RSF1: variants seen among roughly 807,000 people sequenced by gnomAD.
The protein encoded by RSF1 is HBV pX-associated protein 8.
In RSF1, 13 loss-of-function variants were observed where a neutral mutation model predicts 145.2. The ratio of observed to expected loss-of-function variants is 0.09; its 90% confidence interval spans 0.06 to 0.14. RSF1 has a LOEUF of 0.14. RSF1 is among the 10% of genes least tolerant of loss of function. RSF1 has a pLI of 1.00. For missense variants in RSF1, 1,517 were observed against 1,718.2 expected, an observed-to-expected ratio of 0.88 and a Z score of 2.07; for synonymous variants, 577 against 592.6, an observed-to-expected ratio of 0.97 and a Z score of 0.38.
intron 1 of RSF1, among the ~76,000 whole-genome samples, chr11:77,800,956 A>T (rs1298622145): frequency 6.6e-6 from 1 of 152,128 alleles, no homozygotes; most frequent in Non-Finnish European, 1.5e-5. Context: ...AGTGAGCCAT[A>T]ATCGCACTAT....
chr11:77,708,738 T>C (rs936319197), intron 5 of RSF1, among the ~76,000 whole-genome samples: 3 of 152,214 alleles, frequency 2.0e-5, no homozygotes, highest in African/African-American at 4.8e-5. Context: ...CCCTGCACAA[T>C]TGGCATGTCT....
At chr11:77,831,974 GT>G in the RSF1 span, 1 of 148,942 alleles carries the variant, frequency 6.7e-6, no homozygotes, top group Non-Finnish European at 1.5e-5. Context: ...CCTCTCAGAA[GT>G]GCTGGGATTA....
chr11:77,815,744 T>C (rs1024547164), intron 1 of RSF1, among the ~76,000 whole-genome samples: 1 of 142,586 alleles, frequency 7.0e-6, no homozygotes, highest in Non-Finnish European at 1.6e-5. Flanking sequence ...TTTAATGTTT[T>C]TTTAAAAAAA....
At chr11:77,823,577 T>C (rs1339359371), upstream of RSF1, among the ~76,000 whole-genome samples, 1 of 139,170 alleles carries the variant, frequency 7.2e-6, no homozygotes, top group East Asian at 2.1e-4. Context: ...TCCCATGTAG[T>C]TGCCACTGCA....
At chr11:77,671,106 C>T (rs868244396) in intron 15 of RSF1, among the ~76,000 whole-genome samples, 1 of 5,526 alleles carries the variant, frequency 1.8e-4, no homozygotes, top group Non-Finnish European at 2.6e-4. Flanking sequence ...ACTCTGTCAC[C>T]AAAAAAAAAA....
chr11:77,853,570 G>A, the RSF1 span, among the ~76,000 whole-genome samples: 403 of 152,262 alleles, frequency 2.6e-3, 5 homozygotes, highest in Non-Finnish European at 5.7e-4. Context: ...TTCGATATGA[G>A]ATTTGGTCAG....
chr11:77,692,522 G>C (rs1317576149), intron 8 of RSF1, among the ~76,000 whole-genome samples: 1 of 102,814 alleles, frequency 9.7e-6, no homozygotes, highest in East Asian at 2.9e-4. Flanking sequence ...GGGATTACAG[G>C]CGTGAGCCAC....
At chr11:77,796,158 T>C (rs1006456273) in intron 1 of RSF1, among the ~76,000 whole-genome samples, 6 of 152,140 alleles carry the variant, frequency 3.9e-5, no homozygotes, top group Admixed American at 6.6e-5. Context: ...TAACGCATTT[T>C]ATGAGGCCAG....
chr11:77,698,465 T>C, intron 7 of RSF1, 22 bp downstream of exon 7: 1 of 1,606,182 alleles, frequency 6.2e-7, no homozygotes, highest in South Asian at 1.1e-5. Context: ...ATGAGTATTC[T>C]TCATTTACAT....
rs1346054435 is a variant in RSF1, at chr11:77,700,919, A to G, written c.2310T>C (p.Asn770=). ...GAGATCTTCTTAAAGTACGACCCACATTTGTTTTCTCCTCTTCCTTTTCTG... is the reference window on the plus strand; with the variant it reads ...GAGATCTTCTTAAAGTACGACCCACGTTTGTTTTCTCCTCTTCCTTTTCTG... ...EKTEKEEEKT[N]VGRTLRRSPR... is the part of the protein sequence containing the mutation. Residue 770 remains asparagine, a synonymous_variant, in exon 6 of 16, where the codon AAT becomes AAC. Coordinates refer to ENST00000308488, the MANE Select transcript of RSF1 (RefSeq NM_016578.4). 1.2e-6 allele frequency: 2 copies of G among 1,613,558 alleles called. No homozygotes were observed. The highest frequency in any genetic ancestry group is 3.3e-5 in the Admixed American group (2 of 59,952).
the RSF1 span, among the ~76,000 whole-genome samples, chr11:77,861,634 G>A: frequency 5.1e-4 from 78 of 152,312 alleles, no homozygotes; most frequent in Admixed American, 1.5e-3. Flanking sequence ...GGGCATGGAC[G>A]AGGGGGCGGC....
chr11:77,775,635 T>C (rs188958188), intron 1 of RSF1, among the ~76,000 whole-genome samples: 41 of 152,300 alleles, frequency 2.7e-4, no homozygotes, highest in African/African-American at 9.9e-4. Flanking sequence ...ATTCCATAGG[T>C]ATTTAAAACT....
intron 15 of RSF1, 106 bp downstream of exon 15, chr11:77,671,936 G>T: frequency 9.3e-7 from 1 of 1,079,450 alleles, no homozygotes; most frequent in Non-Finnish European, 1.3e-6. Context: ...GCCTGGCCTG[G>T]TTATATGAGT....
At chr11:77,821,086 A>G (rs1948874198), upstream of RSF1, 1 of 451,572 alleles carries the variant, frequency 2.2e-6, no homozygotes, top group East Asian at 3.5e-5. Flanking sequence ...TGGCCAATGG[A>G]CGCAGAGGGG....
chr11:77,786,570 A>G (rs1218394215), intron 1 of RSF1, among the ~76,000 whole-genome samples: 1 of 152,152 alleles, frequency 6.6e-6, no homozygotes, highest in African/African-American at 2.4e-5. Flanking sequence ...AGTTTTAGTC[A>G]CAAGGTTTAG....
At chr11:77,674,228 T>C (rs1373673403) in intron 14 of RSF1, among the ~76,000 whole-genome samples, 1 of 152,324 alleles carries the variant, frequency 6.6e-6, no homozygotes, top group African/African-American at 2.4e-5. Flanking sequence ...CCCACAAGGA[T>C]GGCCAGAGTC....
chr11:77,786,491 C>T (rs1163918869), intron 1 of RSF1, among the ~76,000 whole-genome samples: 1 of 152,136 alleles, frequency 6.6e-6, no homozygotes, highest in Non-Finnish European at 1.5e-5. Context: ...ACATATATTT[C>T]CTATTTCATA....
intron 11 of RSF1, among the ~76,000 whole-genome samples, chr11:77,680,437 C>T (rs1959827135): frequency 6.6e-6 from 1 of 151,752 alleles, no homozygotes; most frequent in Non-Finnish European, 1.5e-5. Flanking sequence ...GAAATCCTGT[C>T]TCAAAAAAAG....
chr11:77,760,854 C>T (rs891328463), intron 2 of RSF1, among the ~76,000 whole-genome samples: 3 of 151,992 alleles, frequency 2.0e-5, no homozygotes, highest in African/African-American at 2.4e-5. Context: ...CATATGAATA[C>T]GATCATCTCC....
Sources: allele counts gnomAD v4.1 joint callset (sites outside exome capture counted in the v4.1 genomes callset), GRCh38; gene constraint gnomAD v4.1.1; transcripts MANE v1.5; gene names NCBI Gene and HGNC (gene_info 2026-07-23, HGNC 2026-07-21).